The following CNTLN variants were observed in gnomAD, a reference collection of about 807,000 sequenced individuals.
CNTLN encodes the protein centlein, also known as centlein, centrosomal protein.
Under a neutral mutation model 180.0 loss-of-function variants are expected in CNTLN, and 212 were observed. The ratio of observed to expected loss-of-function variants is 1.18; its 90% CI spans 1.05 to 1.32. The LOEUF (loss-of-function observed/expected upper bound fraction) is 1.32, where lower values mean the gene tolerates loss of function less well. CNTLN is among the 40% of genes most tolerant of loss of function. The pLI, the probability that CNTLN is intolerant of heterozygous loss-of-function variation, is 0.00. For missense variants in CNTLN, 2,095 were observed against 1,610.9 expected (o/e 1.30, Z -5.14); for synonymous variants, 722 against 563.1 (o/e 1.28, Z -3.99).
rs377096030 is a variant in CNTLN, at chr9:17,163,023, G to A, written c.449+19647G>A. On this transcript the variant is annotated intron_variant, in intron 2 of 25. Coordinates refer to ENST00000380647, the MANE Select transcript of CNTLN (RefSeq NM_017738.4). Reference sequence around the variant, plus strand: ...GTGTAATTGATTCACAATTCCACATGGCTTGGGAGACCTCACAGTCATGGC... The same window carrying A: ...GTGTAATTGATTCACAATTCCACATAGCTTGGGAGACCTCACAGTCATGGC... Among the ~76,000 whole-genome samples the A allele has an allele frequency of 2.5e-4, 38 of 152,310 alleles. No homozygotes were observed. In the East Asian group the frequency reaches 2.5e-3, roughly 10 times the overall value.
intron 3 of CNTLN, among the ~76,000 whole-genome samples, chr9:17,233,527 G>T (rs1396464330): frequency 6.6e-6 from 1 of 152,032 alleles, no homozygotes; most frequent in Non-Finnish European, 1.5e-5. Flanking sequence ...CTAGATTGCA[G>T]TCTGCAGTTT....
chr9:17,251,869 C>A lies in CNTLN; in HGVS notation c.849+15281C>A, dbSNP rs980082516. Among the ~76,000 whole-genome samples the A allele has an allele frequency of 5.3e-5, 8 of 151,840 alleles. No homozygotes were observed. In the East Asian group the frequency reaches 1.5e-3, roughly 29 times the overall value. On this transcript the variant is annotated intron_variant, in intron 5 of 25. Coordinates refer to ENST00000380647, the MANE Select transcript of CNTLN (RefSeq NM_017738.4). ...CTAACTGCATATTAGTTCCAATAACCAACCTTTATACATTCCCACTCTCCC... is the reference window on the plus strand; with the variant it reads ...CTAACTGCATATTAGTTCCAATAACAAACCTTTATACATTCCCACTCTCCC...
At chr9:17,278,137 C>T (rs769261917) in intron 6 of CNTLN, among the ~76,000 whole-genome samples, 1 of 152,048 alleles carries the variant, frequency 6.6e-6, no homozygotes, top group Non-Finnish European at 1.5e-5. Flanking sequence ...TTCTCCTTTA[C>T]CCTGGAATCA....
chr9:17,355,118 C>T (rs552693252), intron 12 of CNTLN, among the ~76,000 whole-genome samples: 1 of 152,170 alleles, frequency 6.6e-6, no homozygotes, highest in African/African-American at 2.4e-5. Context: ...ACACTCACCG[C>T]GAGGGTCCGC....
At chr9:17,523,919 A>G in the CNTLN span, among the ~76,000 whole-genome samples, 3 of 152,196 alleles carry the variant, frequency 2.0e-5, no homozygotes, top group Non-Finnish European at 1.5e-5. Context: ...GATCTGTAGA[A>G]ATTTCTTTGG....
chr9:17,407,178 T>G (rs1211148540), intron 15 of CNTLN, among the ~76,000 whole-genome samples: 1 of 152,176 alleles, frequency 6.6e-6, no homozygotes, highest in East Asian at 1.9e-4. Flanking sequence ...TATGAGAATA[T>G]GGGAAACAGA....
chr9:17,435,690 G>A lies in CNTLN; in HGVS notation c.3114+19501G>A, dbSNP rs551873325. ...AGATTCTCCTGCTTCAGCCTCCTGA[G>A]TAACTGGGATTACAGGTGCATGCCA... On this transcript the variant is annotated intron_variant, in intron 18 of 25. Coordinates refer to ENST00000380647, the MANE Select transcript of CNTLN (RefSeq NM_017738.4). 4.2e-4 allele frequency among the ~76,000 whole-genome samples: 64 copies of A among 152,082 alleles called. 1 individual carries two copies. Among genetic ancestry groups the A allele is most frequent in the African/African-American group, 1.5e-3 (61 of 41,500 alleles).
intron 2 of CNTLN, among the ~76,000 whole-genome samples, chr9:17,170,044 T>C (rs1269211661): frequency 6.6e-6 from 1 of 152,180 alleles, no homozygotes; most frequent in Non-Finnish European, 1.5e-5. Context: ...TTTCCAGTTA[T>C]TTGTGTCTTT....
At chr9:17,203,109 T>C (rs1377965847) in intron 2 of CNTLN, among the ~76,000 whole-genome samples, 1 of 152,188 alleles carries the variant, frequency 6.6e-6, no homozygotes, top group Non-Finnish European at 1.5e-5. Context: ...TTAGTTTGGC[T>C]GGATATGAAA....
At chr9:17,441,769 A>T (rs1457119950) in intron 18 of CNTLN, among the ~76,000 whole-genome samples, 1 of 152,156 alleles carries the variant, frequency 6.6e-6, no homozygotes, top group Non-Finnish European at 1.5e-5. Context: ...GAATGGATTA[A>T]AAAAACAGAA....
In CNTLN at chr9:17,466,824, T is replaced by C. The variant is rs751090674; in HGVS notation, c.3788T>C (p.Leu1263Pro). Residue 1263 changes from leucine to proline, a missense_variant, in exon 23 of 26, where the codon CTA (leucine) becomes CCA (proline). Transcript: ENST00000380647. ...TTAGCATTGCAAAGTGAACAGGTCC[T>C]AGAAGGTGCACAGAAGACATTGCTG... ...QELALQSEQV[L>P]EGAQKTLLLA... 1 of 1,611,090 alleles carries C rather than the reference T, an allele frequency of 6.2e-7. No individual in the cohort carries two copies. The highest frequency in any genetic ancestry group is 1.1e-5 in the South Asian group (1 of 90,948).
At chr9:17,334,565 G>A (rs1051795573) in intron 10 of CNTLN, among the ~76,000 whole-genome samples, 1 of 152,070 alleles carries the variant, frequency 6.6e-6, no homozygotes, top group African/African-American at 2.4e-5. Flanking sequence ...ATCTGTAGTC[G>A]CTCAGGGAAT....
intron 2 of CNTLN, among the ~76,000 whole-genome samples, chr9:17,166,076 A>G (rs80115872): frequency 0.043 from 6,550 of 152,324 alleles, 182 homozygotes; most frequent in Middle Eastern, 0.12. Flanking sequence ...ATAAGAAACC[A>G]GAAGTAACAG....
intron 12 of CNTLN, among the ~76,000 whole-genome samples, chr9:17,356,157 A>G (rs1197893315): frequency 6.6e-6 from 1 of 152,140 alleles, no homozygotes; most frequent in Non-Finnish European, 1.5e-5. Context: ...TTAAGGTCAG[A>G]GATAATAGTT....
chr9:17,192,109 A>C (rs1234196357), intron 2 of CNTLN, among the ~76,000 whole-genome samples: 2 of 152,202 alleles, frequency 1.3e-5, no homozygotes, highest in African/African-American at 4.8e-5. Context: ...ATGTGTTCAT[A>C]GTTTAACAAG....
At chr9:17,514,171 G>T in the CNTLN span, among the ~76,000 whole-genome samples, 19 of 151,552 alleles carry the variant, frequency 1.3e-4, no homozygotes, top group Non-Finnish European at 2.4e-4. Flanking sequence ...AAAACTGGGC[G>T]TAATGACACA....
At chr9:17,394,478 A>G in intron 14 of CNTLN, 56 bp from the exon 15 acceptor site, 2 of 1,164,056 alleles carry the variant, frequency 1.7e-6, no homozygotes, top group South Asian at 1.7e-5. Flanking sequence ...AAATGGTAAT[A>G]AAGTATAGTA....
At chr9:17,279,830 G>GGGCCTTTAAGAGGCCGTTGGGTCATGAA (rs779205698) in intron 6 of CNTLN, among the ~76,000 whole-genome samples, 27,615 of 96,736 alleles carry the variant, frequency 0.29, 2,933 homozygotes, top group South Asian at 0.47. Flanking sequence ...GTGGGACATT[G>GGGCCTTTAAGAGGCCGTTGGGTCATGAA]GGCTCTGCCT....
intron 19 of CNTLN, among the ~76,000 whole-genome samples, chr9:17,460,084 A>G (rs1831364071): frequency 6.6e-6 from 1 of 151,700 alleles, no homozygotes; most frequent in African/African-American, 2.4e-5. Flanking sequence ...TCTTTTCTAT[A>G]CTATCCAGTT....
Sources: gnomAD v4.1 joint callset for allele counts (sites outside exome capture counted in the v4.1 genomes callset) on GRCh38, gnomAD v4.1.1 for gene constraint, MANE v1.5 for transcripts, NCBI Gene and HGNC (gene_info 2026-07-23, HGNC 2026-07-21) for gene names.